The following HS3ST2 variants were observed in gnomAD, a reference collection of about 807,000 sequenced individuals.
HS3ST2 encodes heparan sulfate glucosamine 3-O-sulfotransferase 2.
In HS3ST2, 17 loss-of-function variants were observed where a neutral mutation model predicts 26.3. That is an observed-to-expected ratio of 0.65 (90% CI 0.44 to 0.97). The LOEUF (loss-of-function observed/expected upper bound fraction) is 0.97, where lower values mean the gene tolerates loss of function less well. HS3ST2 is among the 50% of genes least tolerant of loss of function. The probability of loss-of-function intolerance (pLI) is 0.00; values close to 1 mark genes in which losing one functional copy is unlikely to be tolerated. For synonymous variants in HS3ST2, 237 were observed against 219.2 expected, an observed-to-expected ratio of 1.08 and a Z score of -0.72; for missense variants, 402 against 501.2, an observed-to-expected ratio of 0.80 and a Z score of 1.89.
intron 1 of HS3ST2, among the ~76,000 whole-genome samples, chr16:22,835,792 G>A (rs1478253797): frequency 1.3e-5 from 2 of 152,138 alleles, no homozygotes; most frequent in African/African-American, 2.4e-5. Context: ...GTACTGAATG[G>A]TGTTACTGAA....
chr16:22,890,638 C>A (rs966543358), intron 1 of HS3ST2, among the ~76,000 whole-genome samples: 4 of 152,160 alleles, frequency 2.6e-5, no homozygotes, highest in Non-Finnish European at 5.9e-5. Flanking sequence ...TACAATAATC[C>A]CAGGAGGTTA....
intron 1 of HS3ST2, among the ~76,000 whole-genome samples, chr16:22,819,594 G>A: frequency 6.6e-6 from 1 of 152,156 alleles, no homozygotes; most frequent in East Asian, 1.9e-4. Flanking sequence ...GCCAACAAGA[G>A]CAAGTTAATA....
intron 1 of HS3ST2, among the ~76,000 whole-genome samples, chr16:22,819,526 G>T (rs769266027): frequency 6.6e-6 from 1 of 152,130 alleles, no homozygotes; most frequent in Non-Finnish European, 1.5e-5. Flanking sequence ...CTGGTGTTTC[G>T]GTATGGCAGG....
chr16:22,870,796 C>T (rs1200469849), intron 1 of HS3ST2, among the ~76,000 whole-genome samples: 1 of 152,184 alleles, frequency 6.6e-6, no homozygotes, highest in Non-Finnish European at 1.5e-5. Flanking sequence ...ACCCTTTGCA[C>T]AGTCTTAACC....
At chr16:22,899,151 C>T (rs900784416) in intron 1 of HS3ST2, among the ~76,000 whole-genome samples, 9 of 152,122 alleles carry the variant, frequency 5.9e-5, no homozygotes, top group Non-Finnish European at 1.0e-4. Context: ...CAGTTGTTGG[C>T]TGAGGAGTTT....
intron 1 of HS3ST2, among the ~76,000 whole-genome samples, chr16:22,912,645 G>C (rs1567502863): frequency 6.6e-6 from 1 of 152,196 alleles, no homozygotes; most frequent in Non-Finnish European, 1.5e-5. Flanking sequence ...TATAGGCAGT[G>C]TATCCAGTGT....
At chr16:22,867,665 A>AT (rs1486819988) in intron 1 of HS3ST2, among the ~76,000 whole-genome samples, 1 of 152,288 alleles carries the variant, frequency 6.6e-6, no homozygotes, top group Admixed American at 6.5e-5. Context: ...TAATGATAGC[A>AT]TTTTTTGCAG....
At chr16:22,834,181 A>G (rs1211551472) in intron 1 of HS3ST2, among the ~76,000 whole-genome samples, 2 of 152,134 alleles carry the variant, frequency 1.3e-5, no homozygotes, top group African/African-American at 2.4e-5. Context: ...TCCTTGAAAA[A>G]TTAAAATGGA....
At chr16:22,891,313 G>A (rs536078142) in intron 1 of HS3ST2, among the ~76,000 whole-genome samples, 6 of 152,102 alleles carry the variant, frequency 3.9e-5, no homozygotes, top group Non-Finnish European at 5.9e-5. Flanking sequence ...AAATTTCCAC[G>A]CATCGTCTCG....
intron 1 of HS3ST2, among the ~76,000 whole-genome samples, chr16:22,864,882 C>CAAAAAAAAAAAAAAAA (rs34942780): frequency 1.7e-5 from 1 of 57,152 alleles, no homozygotes; most frequent in African/African-American, 6.4e-5. Flanking sequence ...CCTGTCTCCA[C>CAAAAAAAAAAAAAAAA]AAAAAAAAAA....
chr16:22,880,638 T>C (rs1206863978), intron 1 of HS3ST2, among the ~76,000 whole-genome samples: 1 of 152,182 alleles, frequency 6.6e-6, no homozygotes, highest in East Asian at 1.9e-4. Context: ...TGTACAGCAC[T>C]GCCCTCCCCC....
At chr16:22,833,884 A>AAT (rs1200645594) in intron 1 of HS3ST2, among the ~76,000 whole-genome samples, 6 of 152,184 alleles carry the variant, frequency 3.9e-5, no homozygotes, top group African/African-American at 1.4e-4. Flanking sequence ...GATAAAAGAA[A>AAT]ATATATACTC....
chr16:22,894,011 T>C (rs966785022), intron 1 of HS3ST2, among the ~76,000 whole-genome samples: 1 of 152,130 alleles, frequency 6.6e-6, no homozygotes, highest in African/African-American at 2.4e-5. Context: ...TGTAGAGACT[T>C]GGTCTTACTA....
chr16:22,873,309 T>C (rs1901864012), intron 1 of HS3ST2, among the ~76,000 whole-genome samples: 1 of 152,178 alleles, frequency 6.6e-6, no homozygotes, highest in South Asian at 2.1e-4. Context: ...GGTTATTAAA[T>C]GGGAGTGGTG....
At position 22,914,763 on chromosome 16, in the gene HS3ST2, A is replaced by AAAAAGAG. The variant is rs1489223344; in HGVS notation, c.486-180_486-179insAAAGAGA. On this transcript the variant is annotated intron_variant, in intron 1 of 1. Transcript: ENST00000261374. ...AAAAAAAAAAAAAAAAAAAAAAAAA[A>AAAAAGAG]AGAGAAGAAAAGAAAATCAACAAGA... is the stretch of plus-strand genomic sequence containing the variant. 7.9e-4 allele frequency among the ~76,000 whole-genome samples: 94 copies of AAAAAGAG among 118,778 alleles called. 5 individuals carry two copies. The highest frequency in any genetic ancestry group is 3.4e-3 in the African/African-American group (90 of 26,702). 77.9% of individuals were successfully genotyped at this position (118,778 alleles called of 152,430 possible).
chr16:22,840,646 G>A (rs968795243), intron 1 of HS3ST2, among the ~76,000 whole-genome samples: 2 of 152,126 alleles, frequency 1.3e-5, no homozygotes, highest in Admixed American at 1.3e-4. Context: ...CAAGAGGTGA[G>A]TACAGGCTTC....
intron 1 of HS3ST2, among the ~76,000 whole-genome samples, chr16:22,835,260 C>T (rs577794733): frequency 2.0e-5 from 3 of 151,924 alleles, no homozygotes; most frequent in African/African-American, 7.2e-5. Flanking sequence ...TGTTACTTCC[C>T]TCTGAGGTAG....
intron 1 of HS3ST2, chr16:22,833,384 A>AATT (rs1901205103): frequency 2.2e-6 from 1 of 444,802 alleles, no homozygotes; most frequent in Non-Finnish European, 4.5e-6. Flanking sequence ...TGTGGATGAT[A>AATT]ATTAAATTCA....
At chr16:22,837,472 GT>G (rs1463781767) in intron 1 of HS3ST2, among the ~76,000 whole-genome samples, 1 of 139,536 alleles carries the variant, frequency 7.2e-6, no homozygotes, top group Non-Finnish European at 1.5e-5. Context: ...TATATATAAT[GT>G]TTTTTTCCTA....
Sources: allele counts gnomAD v4.1 joint callset (sites outside exome capture counted in the v4.1 genomes callset), GRCh38; gene constraint gnomAD v4.1.1; transcripts MANE v1.5; gene names NCBI Gene and HGNC (gene_info 2026-07-23, HGNC 2026-07-21).